B4GALT6: variants seen among roughly 807,000 people sequenced by gnomAD.
The protein encoded by B4GALT6 is beta-1,4-galactosyltransferase 6, also known as UDP-Gal:beta-GlcNAc beta-1,4-galactosyltransferase 6.
B4GALT6 carries 14 observed loss-of-function variants against 46.3 expected under a neutral mutation model. That is an observed-to-expected ratio of 0.30 (90% CI 0.20 to 0.47). The LOEUF (loss-of-function observed/expected upper bound fraction) is 0.47. Ranked by LOEUF, B4GALT6 falls within the 20% of genes least tolerant of loss-of-function variation. B4GALT6 has a pLI of 0.99. For missense variants in B4GALT6, 386 were observed against 480.1 expected, an observed-to-expected ratio of 0.80 and a Z score of 1.83; for synonymous variants, 168 against 162.0, an observed-to-expected ratio of 1.04 and a Z score of -0.28.
chr18:31,712,228 A>G, the B4GALT6 span, among the ~76,000 whole-genome samples: 1 of 148,098 alleles, frequency 6.8e-6, no homozygotes, highest in Admixed American at 6.7e-5. Flanking sequence ...TCTTTTTTGC[A>G]TGAGATGTCT....
chr18:31,627,186 T>C (rs1399926870), intron 6 of B4GALT6, 65 bp from the exon 7 acceptor site: 2 of 1,473,084 alleles, frequency 1.4e-6, no homozygotes, highest in East Asian at 2.3e-5. Context: ...GAAATGAAGG[T>C]TTCAGCCTTT....
intron 1 of B4GALT6, among the ~76,000 whole-genome samples, chr18:31,682,005 T>A (rs1278690107): frequency 2.0e-5 from 3 of 152,220 alleles, no homozygotes; most frequent in African/African-American, 7.2e-5. Flanking sequence ...CTTCTGGATA[T>A]GTCTCATAAA....
intron 2 of B4GALT6, chr18:31,658,347 A>C: frequency 6.9e-6 from 2 of 291,488 alleles, no homozygotes; most frequent in African/African-American, 2.1e-5. Context: ...ACTTGCAACC[A>C]TGTGAGAACA....
chr18:31,681,315 A>G (rs1029310877), intron 1 of B4GALT6, among the ~76,000 whole-genome samples: 2 of 152,250 alleles, frequency 1.3e-5, no homozygotes, highest in African/African-American at 2.4e-5. Context: ...CTTTGCAATC[A>G]TGCACAAAGG....
At chr18:31,717,545 C>T in the B4GALT6 span, among the ~76,000 whole-genome samples, 1 of 152,050 alleles carries the variant, frequency 6.6e-6, no homozygotes, top group Non-Finnish European at 1.5e-5. Context: ...ACAATATATT[C>T]ATACAATGAA....
intron 1 of B4GALT6, among the ~76,000 whole-genome samples, chr18:31,681,789 G>C (rs912291825): frequency 6.6e-6 from 1 of 151,932 alleles, no homozygotes; most frequent in African/African-American, 2.4e-5. Flanking sequence ...AGGTTGATAT[G>C]GTAGGATTAA....
At chr18:31,707,252 A>C in the B4GALT6 span, among the ~76,000 whole-genome samples, 1 of 134,528 alleles carries the variant, frequency 7.4e-6, no homozygotes, top group Non-Finnish European at 1.6e-5. Context: ...TTTTTTTAAC[A>C]TTTAATGACT....
At chr18:31,708,574 A>T in the B4GALT6 span, among the ~76,000 whole-genome samples, 66 of 152,082 alleles carry the variant, frequency 4.3e-4, no homozygotes, top group Non-Finnish European at 7.9e-4. Flanking sequence ...AATAAAAAAT[A>T]AAAATAAAAA....
At chr18:31,665,360 A>G (rs1390784096) in intron 2 of B4GALT6, among the ~76,000 whole-genome samples, 1 of 152,158 alleles carries the variant, frequency 6.6e-6, no homozygotes, top group Non-Finnish European at 1.5e-5. Context: ...CATCAATTCT[A>G]CCATCATTAA....
intron 5 of B4GALT6, among the ~76,000 whole-genome samples, chr18:31,635,775 G>A (rs1028144537): frequency 1.3e-5 from 2 of 152,126 alleles, no homozygotes; most frequent in African/African-American, 4.8e-5. Context: ...CTGAGATCGT[G>A]CTATCGCACT....
In B4GALT6 at chr18:31,645,262, T is replaced by TA. The variant is rs1464251429; in HGVS notation, c.471+92dup. On this transcript the variant is annotated intron_variant, in intron 4 of 8. Transcript: ENST00000306851. ...TTGATGTTTTAAATTTATCAAGACT[T>TA]AAAGACATTTGTCTCTGTATTCTGA... is the stretch of plus-strand genomic sequence containing the variant. 1.2e-5 allele frequency: 18 copies of TA among 1,519,140 alleles called. No homozygotes were observed. In the South Asian group the frequency reaches 1.9e-4, roughly 16 times the overall value. 94.1% of individuals were successfully genotyped at this position (1,519,140 alleles called of 1,614,324 possible). A position where few individuals can be genotyped will look rare whatever the true frequency, so the allele number is the denominator to read the frequency against.
intron 3 of B4GALT6, among the ~76,000 whole-genome samples, chr18:31,656,221 T>A (rs1488645344): frequency 6.6e-6 from 1 of 152,048 alleles, no homozygotes; most frequent in Non-Finnish European, 1.5e-5. Flanking sequence ...GTCCTACAAA[T>A]ATGATAGGCA....
chr18:31,657,869 G>T, intron 3 of B4GALT6, 107 bp downstream of exon 3: 1 of 732,050 alleles, frequency 1.4e-6, no homozygotes, highest in Non-Finnish European at 2.3e-6. Flanking sequence ...ATAAACATTT[G>T]CACCCAGGTG....
chr18:31,665,164 AG>A (rs1242909076), intron 2 of B4GALT6, among the ~76,000 whole-genome samples: 1 of 152,234 alleles, frequency 6.6e-6, no homozygotes, highest in Non-Finnish European at 1.5e-5. Context: ...CAGTGACACA[AG>A]GAAGAATTAC....
chr18:31,672,784 T>C (rs1004082980), intron 1 of B4GALT6, among the ~76,000 whole-genome samples: 3 of 152,164 alleles, frequency 2.0e-5, no homozygotes, highest in East Asian at 3.9e-4. Flanking sequence ...ACAGAGTTGT[T>C]AGTAAGTGGT....
At chr18:31,648,041 T>C (rs888069111) in intron 3 of B4GALT6, among the ~76,000 whole-genome samples, 4 of 152,168 alleles carry the variant, frequency 2.6e-5, no homozygotes, top group African/African-American at 9.6e-5. Flanking sequence ...AGAGAGGGAA[T>C]GTCCTTCTTG....
In B4GALT6 at chr18:31,638,735, T is replaced by C. The variant is rs1056400957; in HGVS notation, c.497A>G (p.Asn166Ser). Residue 166 changes from asparagine (N) to serine (S), a missense_variant, in exon 5 of 9, where the codon AAT becomes AGT. Physicochemically the swap from Asn to Ser is conservative, Grantham distance 46. Transcript: ENST00000306851. ...WKVAVLIPFR[N>S]RHEHLPIFFL... is the part of the protein sequence containing the mutation. The stretch of plus-strand genomic sequence containing the variant: ...AAAAATTGGAAGATGTTCATGGCGA[T>C]TACGGAAAGGAATGAGAACTGCCAC... The C allele has an allele frequency of 2.2e-5, 35 of 1,613,824 alleles. No individual in the cohort carries two copies. Among genetic ancestry groups the C allele is most frequent in the Non-Finnish European group, 2.9e-5 (34 of 1,179,894 alleles).
intron 2 of B4GALT6, among the ~76,000 whole-genome samples, chr18:31,664,823 G>A (rs2074264983): frequency 1.3e-5 from 2 of 152,156 alleles, no homozygotes; most frequent in South Asian, 4.1e-4. Flanking sequence ...CTACTATTCA[G>A]AAGACTCATT....
In B4GALT6 at chr18:31,680,172, T is replaced by C. The variant is rs2074463841; in HGVS notation, c.115+4140A>G. On this transcript the variant is annotated intron_variant, in intron 1 of 8. Transcript: ENST00000306851. ...AAATGGGCCATGCAGATCAGAGCAC[T>C]GGGTGAATAAAACTGAAAGACCTTT... Among the ~76,000 whole-genome samples, 5 of 152,250 alleles carry C rather than the reference T, an allele frequency of 3.3e-5. No homozygotes were observed. In the South Asian group the frequency reaches 1.0e-3, roughly 32 times the overall value.
Sources: allele counts gnomAD v4.1 joint callset (sites outside exome capture counted in the v4.1 genomes callset), GRCh38; gene constraint gnomAD v4.1.1; transcripts MANE v1.5; gene names NCBI Gene and HGNC (gene_info 2026-07-23, HGNC 2026-07-21).